WWOX: variants seen among roughly 807,000 people sequenced by gnomAD.
WWOX encodes the protein WW domain-containing oxidoreductase.
Under a neutral mutation model 46.2 loss-of-function variants are expected in WWOX, and 69 were observed. The observed-to-expected ratio is 1.49, with a 90% CI of 1.23 to 1.82. The LOEUF is 1.82. WWOX is among the 40% of genes most tolerant of loss of function. The pLI is 0.00. For synonymous variants in WWOX, 359 were observed against 202.6 expected (o/e 1.77, Z -6.56); for missense variants, 919 against 542.6 (o/e 1.69, Z -6.89).
intron 8 of WWOX, among the ~76,000 whole-genome samples, chr16:79,152,667 C>G (rs1359888498): frequency 1.5e-5 from 2 of 137,378 alleles, no homozygotes; most frequent in South Asian, 2.7e-4. Context: ...GAGTCTCCAT[C>G]TCAAAGAAAA....
intron 8 of WWOX, among the ~76,000 whole-genome samples, chr16:78,578,254 T>TATATATATATATATATATTTATA (rs2044941404): frequency 3.2e-5 from 1 of 31,630 alleles, no homozygotes; most frequent in African/African-American, 9.7e-5. Context: ...ATACCAAATT[T>TATATATATATATATATATTTATA]TATATATATA....
chr16:78,158,465 C>T (rs1318858978), intron 4 of WWOX, among the ~76,000 whole-genome samples: 1 of 151,154 alleles, frequency 6.6e-6, no homozygotes, highest in Admixed American at 6.6e-5. Flanking sequence ...CTTTTTCCTC[C>T]CTCCCTCCCC....
At chr16:78,657,564 C>T (rs1230334489) in intron 8 of WWOX, among the ~76,000 whole-genome samples, 2 of 152,176 alleles carry the variant, frequency 1.3e-5, no homozygotes, top group Non-Finnish European at 2.9e-5. Context: ...AGACGTGACC[C>T]TGGCCGGGAC....
At chr16:78,718,650 C>T (rs2048622945) in intron 8 of WWOX, among the ~76,000 whole-genome samples, 1 of 152,114 alleles carries the variant, frequency 6.6e-6, no homozygotes, top group African/African-American at 2.4e-5. Context: ...TGAGGCTACC[C>T]TGAGCTATGA....
intron 5 of WWOX, among the ~76,000 whole-genome samples, chr16:78,269,818 A>AAC (rs146686709): frequency 7.2e-5 from 11 of 151,986 alleles, no homozygotes; most frequent in African/African-American, 2.4e-4. Flanking sequence ...GCTGTTTGAA[A>AAC]ACACACACAC....
At chr16:78,748,693 C>T (rs1005724340) in intron 8 of WWOX, among the ~76,000 whole-genome samples, 2 of 152,190 alleles carry the variant, frequency 1.3e-5, no homozygotes, top group Non-Finnish European at 2.9e-5. Flanking sequence ...GAGGTGCTGT[C>T]AGGGCCCGTG....
chr16:78,227,282 A>G (rs1468725088), intron 5 of WWOX, among the ~76,000 whole-genome samples: 1 of 152,216 alleles, frequency 6.6e-6, no homozygotes, highest in African/African-American at 2.4e-5. Context: ...TTTCACATAA[A>G]TTTAATGGAG....
At chr16:78,654,326 C>G (rs940236826) in intron 8 of WWOX, among the ~76,000 whole-genome samples, 7 of 152,168 alleles carry the variant, frequency 4.6e-5, no homozygotes, top group African/African-American at 7.2e-5. Context: ...ATAAAATAAT[C>G]TTACAATCAT....
At chr16:78,683,385 A>G (rs1368159087) in intron 8 of WWOX, among the ~76,000 whole-genome samples, 13 of 144,992 alleles carry the variant, frequency 9.0e-5, no homozygotes, top group Non-Finnish European at 4.7e-5. Context: ...TAAAAACATT[A>G]AAAAAAAATT....
At position 78,164,222 on chromosome 16, in the gene WWOX, A is replaced by G. The variant is rs745453076; in HGVS notation, c.449A>G (p.His150Arg). 1.2e-6 allele frequency: 2 copies of G among 1,614,120 alleles called. No homozygotes were observed. The highest frequency in any genetic ancestry group is 1.1e-5 in the South Asian group (1 of 91,070). Reference sequence around the variant, plus strand: ...AAGTCTTTTGCCCTCCATGGTGCACATGTGATCTTGGCCTGCAGGAACATG... The same window carrying G: ...AAGTCTTTTGCCCTCCATGGTGCACGTGTGATCTTGGCCTGCAGGAACATG... ...TAKSFALHGA[H>R]VILACRNMAR... Residue 150 changes from histidine (H) to arginine (R), a missense_variant, in exon 5 of 9, where the codon CAT (histidine) becomes CGT (arginine). By Grantham distance (29) the His-to-Arg change is conservative. Coordinates refer to ENST00000566780, the MANE Select transcript of WWOX (RefSeq NM_016373.4).
At chr16:78,966,024 G>T (rs552496507) in intron 8 of WWOX, among the ~76,000 whole-genome samples, 2 of 152,272 alleles carry the variant, frequency 1.3e-5, no homozygotes, top group East Asian at 3.9e-4. Flanking sequence ...TTATCTCCAG[G>T]TGCTATCTGT....
At chr16:78,582,188 C>G (rs960949023) in intron 8 of WWOX, among the ~76,000 whole-genome samples, 1 of 152,148 alleles carries the variant, frequency 6.6e-6, no homozygotes, top group South Asian at 2.1e-4. Flanking sequence ...ATTGGATTTA[C>G]GGCCAGAAGA....
chr16:78,694,640 A>G (rs1020506064), intron 8 of WWOX, among the ~76,000 whole-genome samples: 3 of 152,186 alleles, frequency 2.0e-5, no homozygotes, highest in African/African-American at 7.2e-5. Context: ...CTGCATGCCC[A>G]TGTAAATACT....
chr16:78,799,300 A>G (rs2050823998), intron 8 of WWOX, among the ~76,000 whole-genome samples: 1 of 152,192 alleles, frequency 6.6e-6, no homozygotes, highest in Non-Finnish European at 1.5e-5. Flanking sequence ...GTGAGAAGGA[A>G]TGAAAACCCC....
rs142662198 is a variant in WWOX, at chr16:78,562,405, C to A, written c.1056+129653C>A. On this transcript the variant is annotated intron_variant, in intron 8 of 8. Transcript: ENST00000566780. ...GTTGCTTACAAGTTAGATTCACACT[C>A]CAGGAATGTATCTGTTCCCACATCC... 6.4e-4 allele frequency among the ~76,000 whole-genome samples: 97 copies of A among 152,320 alleles called. 1 individual carries two copies. The highest frequency in any genetic ancestry group is 1.9e-3 in the African/African-American group (78 of 41,574).
At chr16:79,124,078 G>T (rs922117783) in intron 8 of WWOX, among the ~76,000 whole-genome samples, 5 of 151,758 alleles carry the variant, frequency 3.3e-5, no homozygotes, top group Admixed American at 2.6e-4. Context: ...CGGAGCACTC[G>T]TGCTCTGAAA....
chr16:78,333,972 T>C (rs899701213), intron 5 of WWOX, among the ~76,000 whole-genome samples: 1 of 152,230 alleles, frequency 6.6e-6, no homozygotes, highest in Non-Finnish European at 1.5e-5. Flanking sequence ...AAATATTTCA[T>C]GTACTTTGCA....
rs74682669 is a variant in WWOX, at chr16:78,655,094, C to T, written c.1056+222342C>T. On this transcript the variant is annotated intron_variant, in intron 8 of 8. Coordinates refer to ENST00000566780, the MANE Select transcript of WWOX (RefSeq NM_016373.4). ...TTCTCACCTGGCCTGCATCCTGGTCCTTATCAACCGTATTTTACAGTTAAG... is the reference window on the plus strand; with the variant it reads ...TTCTCACCTGGCCTGCATCCTGGTCTTTATCAACCGTATTTTACAGTTAAG... Among the ~76,000 whole-genome samples the T allele has an allele frequency of 1.6e-3, 238 of 152,172 alleles. 4 individuals carry two copies. The East Asian group carries it at 0.038, about 24-fold the overall frequency.
chr16:78,532,900 T>C (rs1244792489), intron 8 of WWOX, among the ~76,000 whole-genome samples: 1 of 152,048 alleles, frequency 6.6e-6, no homozygotes, highest in Admixed American at 6.6e-5. Flanking sequence ...TCAAAAACCA[T>C]TTATAAAACT....
Sources: allele counts gnomAD v4.1 joint callset (sites outside exome capture counted in the v4.1 genomes callset), GRCh38; gene constraint gnomAD v4.1.1; transcripts MANE v1.5; gene names NCBI Gene and HGNC (gene_info 2026-07-23, HGNC 2026-07-21).